RUNX3: variants seen among roughly 807,000 people sequenced by gnomAD.
The protein encoded by RUNX3 is runt-related transcription factor 3.
RUNX3 carries 10 observed loss-of-function variants against 27.7 expected under a neutral mutation model. That is an observed-to-expected ratio of 0.36 (90% CI 0.22 to 0.61). The LOEUF (loss-of-function observed/expected upper bound fraction) is 0.61. Among genes scored for constraint, RUNX3 ranks in the 20% least tolerant of loss-of-function variants. The probability of loss-of-function intolerance (pLI) is 0.72; values close to 1 mark genes in which losing one functional copy is unlikely to be tolerated. For synonymous variants in RUNX3, 270 were observed against 269.2 expected (o/e 1.00, Z -0.03); for missense variants, 469 against 629.5 (o/e 0.75, Z 2.73).
At position 24,955,247 on chromosome 1, in the gene RUNX3, T is replaced by C. The variant is rs75665447; in HGVS notation, c.58+9267A>G. Reference sequence around the variant, plus strand: ...AGAGGAGGATATGAATCACCTCGCTTAGAGGTATCGGGGAGGGCTCCATGG... The same window carrying C: ...AGAGGAGGATATGAATCACCTCGCTCAGAGGTATCGGGGAGGGCTCCATGG... On this transcript the variant is annotated intron_variant, in intron 2 of 6. Coordinates refer to the RUNX3 transcript ENST00000338888. Among the ~76,000 whole-genome samples, 13 of 152,168 alleles carry C rather than the reference T, an allele frequency of 8.5e-5. No homozygotes were observed. In the East Asian group the frequency reaches 2.1e-3, roughly 25 times the overall value.
intron 3 of RUNX3, among the ~76,000 whole-genome samples, chr1:24,917,140 C>T (rs899820165): frequency 6.6e-6 from 1 of 152,194 alleles, no homozygotes; most frequent in African/African-American, 2.4e-5. Flanking sequence ...GATCTTCCCA[C>T]CAAGCGTCAA....
rs529929350 is a variant in RUNX3, at chr1:24,923,905, G to C, written c.439+3669C>G. Among the ~76,000 whole-genome samples the C allele has an allele frequency of 2.1e-4, 32 of 152,312 alleles. No individual in the cohort carries two copies. The highest frequency in any genetic ancestry group is 7.5e-4 in the African/African-American group (31 of 41,546). ...TTTTCACTTAGGCCAGTGGCCGCCTGCTAGAGGGGCATTTTTGGGATTTGT... is the reference window on the plus strand; with the variant it reads ...TTTTCACTTAGGCCAGTGGCCGCCTCCTAGAGGGGCATTTTTGGGATTTGT... On this transcript the variant is annotated intron_variant, in intron 2 of 4. Transcript: ENST00000308873. This position sits in a 1 kb window ranked among gnomAD's most constrained non-coding sequence, Gnocchi z 5.9.
chr1:24,960,691 G>A (rs1016930950), intron 2 of RUNX3, among the ~76,000 whole-genome samples: 1 of 152,022 alleles, frequency 6.6e-6, no homozygotes, highest in Non-Finnish European at 1.5e-5. Flanking sequence ...CCCAGGGGGT[G>A]CAGAGGAGGG....
Position 24,923,430 on chromosome 1 carries a change from T to C in RUNX3, c.440-4086A>G, listed in dbSNP as rs1641037934. On this transcript the variant is annotated intron_variant, in intron 2 of 4. Transcript: ENST00000308873. This position sits in a 1 kb window ranked among gnomAD's most constrained non-coding sequence, Gnocchi z 5.9. The stretch of plus-strand genomic sequence containing the variant: ...CTCTCTCAGCCTCTAGATATAACTC[T>C]GTGCAGGAGTCCCAGGCAAACCTGC... Among the ~76,000 whole-genome samples the C allele has an allele frequency of 6.6e-6, 1 of 152,142 alleles. No homozygotes were observed. Among genetic ancestry groups the C allele is most frequent in the Non-Finnish European group, 1.5e-5 (1 of 68,032 alleles).
intron 3 of RUNX3, among the ~76,000 whole-genome samples, chr1:24,912,246 C>T (rs548378009): frequency 1.3e-5 from 2 of 152,214 alleles, no homozygotes; most frequent in Non-Finnish European, 2.9e-5. Flanking sequence ...AGGCCCCTTC[C>T]TTTTGAAAGT....
chr1:24,929,847 T>C lies in RUNX3; in HGVS notation c.22A>G (p.Ser8Gly). The C allele has an allele frequency of 7.2e-7, 1 of 1,391,812 alleles. No individual in the cohort carries two copies. The highest frequency in any genetic ancestry group is 9.2e-7 in the Non-Finnish European group (1 of 1,083,874). 86.2% of individuals were successfully genotyped at this position (1,391,812 alleles called of 1,614,324 possible). A position where few individuals can be genotyped will look rare whatever the true frequency, so the allele number is the denominator to read the frequency against. Residue 8 changes from serine to glycine, a missense_variant, in exon 1 of 5, where the codon AGC becomes GGC. Physicochemically the swap from Ser to Gly is moderately conservative, Grantham distance 56. Around this residue, in one of 3 missense-constraint regions of RUNX3, gnomAD observed 115 missense variants for 118.0 expected, o/e 0.97. Coordinates refer to ENST00000308873, the MANE Select transcript of RUNX3 (RefSeq NM_004350.3). ...GGAGGTGTGAAGCGGCGGCTGGTGC[T>C]TGGGTCTACGGGAATACGCATAACA... MRIPVDP[S>G]TSRRFTPPSP...
chr1:24,944,651 A>G (rs937141975), intron 2 of RUNX3, among the ~76,000 whole-genome samples: 1 of 152,268 alleles, frequency 6.6e-6, no homozygotes, highest in South Asian at 2.1e-4. Flanking sequence ...TCGGAGGGAG[A>G]TGGGGTGTGG....
intron 2 of RUNX3, among the ~76,000 whole-genome samples, chr1:24,957,370 ATC>A (rs1278084216): frequency 2.0e-5 from 3 of 152,044 alleles, no homozygotes; most frequent in Non-Finnish European, 4.4e-5. Context: ...CCATCCATCC[ATC>A]CATCCATCCA....
intron 2 of RUNX3, among the ~76,000 whole-genome samples, chr1:24,954,543 C>G (rs1288777167): frequency 6.6e-6 from 1 of 152,116 alleles, no homozygotes; most frequent in African/African-American, 2.4e-5. Context: ...GGTCGCTGTC[C>G]TGAAATTCTT....
intron 2 of RUNX3, among the ~76,000 whole-genome samples, chr1:24,946,378 C>A (rs1033104642): frequency 6.6e-6 from 1 of 150,958 alleles, no homozygotes; most frequent in Non-Finnish European, 1.5e-5. Context: ...TTCTCTTCCC[C>A]GCCCTCCCTC....
Position 24,927,479 on chromosome 1 carries a change from T to C in RUNX3, c.439+95A>G. ...TTAGACAGAGCTGCATCTGGAGACC[T>C]GTTTTTCGGGATTCTAAGGCCCCTC... On this transcript the variant is annotated intron_variant, in intron 2 of 4. Transcript: ENST00000308873. This position sits in a 1 kb window ranked among gnomAD's most constrained non-coding sequence, Gnocchi z 5.0. 8.2e-7 allele frequency: 1 copy of C among 1,218,628 alleles called. No homozygotes were observed. The highest frequency in any genetic ancestry group is 1.2e-6 in the Non-Finnish European group (1 of 832,922). 75.5% of individuals were successfully genotyped at this position (1,218,628 alleles called of 1,614,324 possible).
intron 2 of RUNX3, among the ~76,000 whole-genome samples, chr1:24,921,719 T>C (rs1006220192): frequency 2.6e-5 from 4 of 152,196 alleles, no homozygotes; most frequent in South Asian, 2.1e-4. Context: ...CCTGAGCCTC[T>C]GACCCTGCCA....
chr1:24,919,434 CCTAA>C (rs773443522), intron 2 of RUNX3, 90 bp from the exon 3 acceptor site: 11 of 824,538 alleles, frequency 1.3e-5, no homozygotes, highest in South Asian at 3.0e-5. Flanking sequence ...CCTGGAAGCC[CCTAA>C]CTGTCAAGAA....
At chr1:24,933,589 A>G (rs564060684), upstream of RUNX3, among the ~76,000 whole-genome samples, 4 of 152,250 alleles carry the variant, frequency 2.6e-5, no homozygotes, top group South Asian at 6.2e-4. Context: ...GGGGGAGGTA[A>G]GGACTGGCTG....
At chr1:24,938,474 T>G (rs1039162301) in intron 2 of RUNX3, among the ~76,000 whole-genome samples, 1 of 152,136 alleles carries the variant, frequency 6.6e-6, no homozygotes, top group Non-Finnish European at 1.5e-5. Flanking sequence ...GCACAAACTT[T>G]CGGAGGATCT....
chr1:24,938,848 C>T (rs560026788), intron 2 of RUNX3, among the ~76,000 whole-genome samples: 10 of 152,210 alleles, frequency 6.6e-5, no homozygotes, highest in African/African-American at 1.2e-4. Context: ...TCACCAGATG[C>T]GGAACCTGCC....
chr1:24,914,421 T>A (rs377194178), intron 3 of RUNX3, among the ~76,000 whole-genome samples: 1 of 152,194 alleles, frequency 6.6e-6, no homozygotes, highest in East Asian at 1.9e-4. Context: ...TACACCCGAC[T>A]CTTAACAGCC....
chr1:24,911,803 G>A (rs1640802168), intron 3 of RUNX3, among the ~76,000 whole-genome samples: 1 of 152,178 alleles, frequency 6.6e-6, no homozygotes, highest in Non-Finnish European at 1.5e-5. Flanking sequence ...TGAGACCGAC[G>A]CTGAGCGCCT....
chr1:24,920,565 T>A (rs1640979385), intron 2 of RUNX3, among the ~76,000 whole-genome samples: 1 of 152,228 alleles, frequency 6.6e-6, no homozygotes, highest in Non-Finnish European at 1.5e-5. Context: ...CAACACAAAT[T>A]ACTGCTTCAT....
Sources: allele counts gnomAD v4.1 joint callset (sites outside exome capture counted in the v4.1 genomes callset), GRCh38; gene constraint gnomAD v4.1.1; regional missense constraint gnomAD v4.1.1; non-coding constraint Gnocchi (gnomAD v3.1); transcripts MANE v1.5; gene names NCBI Gene and HGNC (gene_info 2026-07-23, HGNC 2026-07-21).